The following CTPS2 variants were observed in gnomAD, a reference collection of about 807,000 sequenced individuals.
CTPS2 encodes CTP synthase 2.
A neutral mutation model predicts 46.8 loss-of-function variants in CTPS2; 19 were observed. That is an observed-to-expected ratio of 0.41 (90% CI 0.28 to 0.60). The LOEUF (loss-of-function observed/expected upper bound fraction) is 0.60, where lower values mean the gene tolerates loss of function less well. Ranked by LOEUF, CTPS2 falls within the 20% of genes least tolerant of loss-of-function variation. CTPS2 has a pLI of 0.35. For missense variants in CTPS2, 286 were observed against 447.6 expected, an observed-to-expected ratio of 0.64 and a Z score of 3.26; for synonymous variants, 151 against 165.2, an observed-to-expected ratio of 0.91 and a Z score of 0.66.
At position 16,667,435 on chromosome X, in the gene CTPS2, A is replaced by G; in HGVS notation, c.1296+79T>C. ...AGGGGTGAGCCATGGCGCCCAGCCA[A>G]TAGCCCCTTATGAATTTAGGCAAGA... is the stretch of plus-strand genomic sequence containing the variant. On this transcript the variant is annotated intron_variant, in intron 13 of 18. Coordinates refer to ENST00000359276, the MANE Select transcript of CTPS2 (RefSeq NM_175859.3). 5.7e-6 allele frequency: 6 copies of G among 1,058,003 alleles called. No individual in the cohort carries two copies. In the South Asian group the frequency reaches 9.5e-5, roughly 17 times the overall value. The allele number at this position is 1,058,003 out of a possible 1,213,427, so 87.2% of individuals were successfully genotyped here. A position where few individuals can be genotyped will look rare whatever the true frequency, so the allele number is the denominator to read the frequency against.
At chrX:16,639,776 GA>G (rs63051061) in intron 13 of CTPS2, among the ~76,000 whole-genome samples, 6 of 45,081 alleles carry the variant, frequency 1.3e-4, no homozygotes, top group Non-Finnish European at 2.1e-4. Flanking sequence ...AAAAGGAAAA[GA>G]AAAGAAAGAA....
intron 13 of CTPS2, among the ~76,000 whole-genome samples, chrX:16,657,786 T>C (rs1932854957): frequency 8.9e-6 from 1 of 112,067 alleles, no homozygotes; most frequent in Non-Finnish European, 1.9e-5. Context: ...TACAACTATC[T>C]AAATTTTGGG....
chrX:16,680,459 G>T (rs1486870254), intron 9 of CTPS2, among the ~76,000 whole-genome samples: 1 of 107,211 alleles, frequency 9.3e-6, no homozygotes, highest in Non-Finnish European at 1.9e-5. Flanking sequence ...GGAGGCTAAG[G>T]CACAAGAATT....
chrX:16,641,255 C>A (rs1301101606), intron 13 of CTPS2, among the ~76,000 whole-genome samples: 4 of 112,076 alleles, frequency 3.6e-5, no homozygotes, highest in Non-Finnish European at 7.5e-5. Flanking sequence ...CCTGAACCAT[C>A]TAGGCAGACT....
intron 1 of CTPS2, among the ~76,000 whole-genome samples, chrX:16,707,042 C>CAA (rs755553185): frequency 2.1e-3 from 186 of 89,472 alleles, no homozygotes; most frequent in African/African-American, 6.5e-3. Flanking sequence ...GACTCTGTCT[C>CAA]AAAAAAAAAA....
At chrX:16,605,791 A>G (rs1313105296) in intron 17 of CTPS2, among the ~76,000 whole-genome samples, 1 of 113,058 alleles carries the variant, frequency 8.8e-6, no homozygotes, top group African/African-American at 3.2e-5. Context: ...GCAAATCACC[A>G]AAGTGTGGGC....
At chrX:16,613,837 G>A (rs1158738128) in intron 16 of CTPS2, among the ~76,000 whole-genome samples, 5 of 111,412 alleles carry the variant, frequency 4.5e-5, no homozygotes, top group East Asian at 2.8e-4. Flanking sequence ...GTGATCTTCC[G>A]ACCTTCGCCT....
At chrX:16,608,020 T>C (rs1205683358) in intron 17 of CTPS2, among the ~76,000 whole-genome samples, 2 of 111,426 alleles carry the variant, frequency 1.8e-5, no homozygotes, top group Non-Finnish European at 3.8e-5. Context: ...GAGACCAGCC[T>C]GGCCAACATG....
chrX:16,700,397 G>A (rs1266629641), intron 2 of CTPS2, among the ~76,000 whole-genome samples: 2 of 108,274 alleles, frequency 1.8e-5, no homozygotes, highest in African/African-American at 6.7e-5. Context: ...GATTACAGGC[G>A]TGAGCCACCG....
intron 10 of CTPS2, among the ~76,000 whole-genome samples, chrX:16,673,998 GAGTTAAC>G (rs1921993830): frequency 8.9e-6 from 1 of 111,897 alleles, no homozygotes; most frequent in African/African-American, 3.2e-5. Flanking sequence ...AAGTTCCTAA[GAGTTAAC>G]AGTGTAATCT....
intron 13 of CTPS2, among the ~76,000 whole-genome samples, chrX:16,662,478 T>G (rs1209424314): frequency 9.0e-6 from 1 of 111,360 alleles, no homozygotes. Context: ...TCAACAGCCA[T>G]AGCACTAATC....
chrX:16,619,083 G>A (rs918911419), intron 15 of CTPS2, among the ~76,000 whole-genome samples: 1 of 112,283 alleles, frequency 8.9e-6, no homozygotes, highest in Non-Finnish European at 1.9e-5. Context: ...AGTTGGGCCC[G>A]TTCCCAATGG....
intron 13 of CTPS2, among the ~76,000 whole-genome samples, chrX:16,641,671 G>T (rs1197030801): frequency 8.9e-6 from 1 of 112,302 alleles, no homozygotes; most frequent in Non-Finnish European, 1.9e-5. Context: ...AGGAGGCGGA[G>T]GTTGCAGTGA....
intron 17 of CTPS2, among the ~76,000 whole-genome samples, chrX:16,605,622 T>A (rs1398601340): frequency 9.0e-6 from 1 of 111,463 alleles, no homozygotes; most frequent in African/African-American, 3.3e-5. Context: ...CTCGGGAGGC[T>A]GAGGCATAAG....
chrX:16,683,859 T>C (rs189135767), intron 8 of CTPS2, among the ~76,000 whole-genome samples: 25 of 112,236 alleles, frequency 2.2e-4, no homozygotes, highest in African/African-American at 7.4e-4. Context: ...AGTGTCTACA[T>C]TTAAAATGGT....
intron 14 of CTPS2, among the ~76,000 whole-genome samples, chrX:16,630,621 G>A (rs1441191002): frequency 7.2e-5 from 8 of 110,508 alleles, no homozygotes; most frequent in South Asian, 3.9e-4. Context: ...GTACAACCCC[G>A]TGCTCAAGGC....
At chrX:16,668,218 C>T (rs1921358031) in intron 11 of CTPS2, among the ~76,000 whole-genome samples, 1 of 107,433 alleles carries the variant, frequency 9.3e-6, no homozygotes, top group South Asian at 4.2e-4. Flanking sequence ...GCTGAGATCA[C>T]ACCACTGTGC....
chrX:16,707,042 CA>C (rs755553185), intron 1 of CTPS2, among the ~76,000 whole-genome samples: 1,402 of 89,462 alleles, frequency 0.016, 17 homozygotes, highest in African/African-American at 0.053. Context: ...GACTCTGTCT[CA>C]AAAAAAAAAA....
chrX:16,618,529 T>C (rs188435282), intron 15 of CTPS2, among the ~76,000 whole-genome samples: 24 of 111,924 alleles, frequency 2.1e-4, no homozygotes, highest in African/African-American at 7.8e-4. Context: ...CCAGATGGTT[T>C]TCCAAAGGGG....
Sources: allele counts gnomAD v4.1 joint callset (sites outside exome capture counted in the v4.1 genomes callset), GRCh38; gene constraint gnomAD v4.1.1; transcripts MANE v1.5; gene names NCBI Gene and HGNC (gene_info 2026-07-23, HGNC 2026-07-21).